The following APBB2 variants were observed in gnomAD, a reference collection of about 807,000 sequenced individuals.
The protein encoded by APBB2 is amyloid beta precursor protein binding family B member 2, also known as Fe65-like 1.
Under a neutral mutation model 82.5 loss-of-function variants are expected in APBB2, and 38 were observed. The ratio of observed to expected loss-of-function variants is 0.46; its 90% CI spans 0.36 to 0.60. The LOEUF is 0.60. APBB2 is among the 20% of genes least tolerant of loss of function. The pLI is 0.00. For missense variants in APBB2, 772 were observed against 972.3 expected, an observed-to-expected ratio of 0.79 and a Z score of 2.74; for synonymous variants, 341 against 368.2, an observed-to-expected ratio of 0.93 and a Z score of 0.85.
At chr4:40,977,416 G>A (rs556522543) in intron 6 of APBB2, among the ~76,000 whole-genome samples, 2 of 151,412 alleles carry the variant, frequency 1.3e-5, no homozygotes, top group Non-Finnish European at 2.9e-5. Flanking sequence ...AGGTTCAAGC[G>A]ATTCTCATGC....
At chr4:41,107,588 T>C (rs527690415) in intron 2 of APBB2, among the ~76,000 whole-genome samples, 6 of 152,226 alleles carry the variant, frequency 3.9e-5, no homozygotes, top group African/African-American at 1.2e-4. Context: ...ACCCCACAGA[T>C]TACCTAAGAG....
intron 10 of APBB2, among the ~76,000 whole-genome samples, chr4:40,911,228 C>T (rs1365308184): frequency 3.9e-5 from 6 of 152,124 alleles, no homozygotes; most frequent in Admixed American, 6.5e-5. Context: ...TTCTCGAATC[C>T]GTGGGCTCCT....
At chr4:41,207,736 C>G (rs1778320662) in intron 1 of APBB2, 2 of 152,244 alleles carry the variant, frequency 1.3e-5, no homozygotes, top group African/African-American at 2.4e-5. Flanking sequence ...GGGGCCCCAT[C>G]AGCTGACCCA....
chr4:41,126,620 C>T (rs988210404), intron 2 of APBB2, among the ~76,000 whole-genome samples: 12 of 152,152 alleles, frequency 7.9e-5, no homozygotes, highest in Admixed American at 6.5e-4. Flanking sequence ...CAAAGTACCA[C>T]GACTGGGTGG....
intron 6 of APBB2, among the ~76,000 whole-genome samples, chr4:40,954,373 C>A (rs1791016204): frequency 2.0e-5 from 3 of 152,144 alleles, no homozygotes; most frequent in South Asian, 4.1e-4. Flanking sequence ...GTGTGAAAGG[C>A]ACGGGGTGGA....
chr4:40,836,921 C>A (rs542478527), intron 12 of APBB2, among the ~76,000 whole-genome samples: 1 of 152,308 alleles, frequency 6.6e-6, no homozygotes, highest in East Asian at 1.9e-4. Context: ...CTCTATATCC[C>A]ATCAGCTGGC....
intron 6 of APBB2, among the ~76,000 whole-genome samples, chr4:40,956,351 C>T (rs6832948): frequency 0.084 from 12,856 of 152,160 alleles, 592 homozygotes; most frequent in Middle Eastern, 0.14. Flanking sequence ...TGTCTTCAAC[C>T]AAAGGAATCG....
chr4:41,055,833 T>TA (rs1727635751), intron 4 of APBB2, among the ~76,000 whole-genome samples: 1 of 152,234 alleles, frequency 6.6e-6, no homozygotes, highest in African/African-American at 2.4e-5. Context: ...TAGTGAAGAA[T>TA]AAAAGTATAC....
intron 15 of APBB2, chr4:40,825,674 T>C (rs1749667749): frequency 5.6e-6 from 3 of 539,636 alleles, no homozygotes; most frequent in Admixed American, 6.2e-5. Flanking sequence ...AAGTCCTGCA[T>C]GCTGGGGATG....
chr4:41,166,450 T>C (rs996822209), intron 1 of APBB2, among the ~76,000 whole-genome samples: 1 of 151,802 alleles, frequency 6.6e-6, no homozygotes, highest in Non-Finnish European at 1.5e-5. Flanking sequence ...TAGTGGCATG[T>C]ACCTGTAGTC....
intron 12 of APBB2, among the ~76,000 whole-genome samples, chr4:40,841,726 T>C (rs1283138186): frequency 2.0e-5 from 3 of 152,192 alleles, no homozygotes; most frequent in African/African-American, 7.2e-5. Flanking sequence ...TCACCCTGGC[T>C]GGAATGCAGT....
chr4:41,082,341 C>T (rs1385866823), intron 3 of APBB2, among the ~76,000 whole-genome samples: 4 of 152,132 alleles, frequency 2.6e-5, no homozygotes, highest in African/African-American at 9.7e-5. Context: ...CACTATGCAA[C>T]AAAATATCAA....
chr4:41,174,879 TGAA>T (rs1484920294), intron 1 of APBB2, among the ~76,000 whole-genome samples: 1 of 152,236 alleles, frequency 6.6e-6, no homozygotes, highest in African/African-American at 2.4e-5. Context: ...AACTGGCTAC[TGAA>T]GAAGGACTGA....
chr4:40,988,637 C>CAA (rs1310590730), intron 6 of APBB2, among the ~76,000 whole-genome samples: 938 of 30,536 alleles, frequency 0.031, 51 homozygotes, highest in Non-Finnish European at 0.04. Context: ...GACTCCGTCT[C>CAA]AAAAAAAAAA....
intron 10 of APBB2, among the ~76,000 whole-genome samples, chr4:40,910,667 A>G (rs112023065): frequency 1.5e-4 from 23 of 152,296 alleles, no homozygotes; most frequent in African/African-American, 4.8e-4. Flanking sequence ...CACCACCCAA[A>G]AGTGGCCCCG....
rs199698660 is a variant in APBB2, at chr4:41,155,945, CTTTG to C, written c.-416-12807_-416-12804del. On this transcript the variant is annotated intron_variant, in intron 1 of 17. Coordinates refer to ENST00000508593, the MANE Select transcript of APBB2 (RefSeq NM_004307.2). ...AATTTGGTCGTATCTTATTTTTCCC[CTTTG>C]TTTGTTTCCTCGGGGCATCTATAAT... is the stretch of plus-strand genomic sequence containing the variant. Among the ~76,000 whole-genome samples the C allele has an allele frequency of 6.6e-3, 1,004 of 152,222 alleles. 13 individuals are homozygous for C. Among genetic ancestry groups the C allele is most frequent in the South Asian group, 0.028 (135 of 4,824 alleles).
At chr4:40,902,484 G>GC (rs1387151750) in intron 10 of APBB2, among the ~76,000 whole-genome samples, 7 of 152,160 alleles carry the variant, frequency 4.6e-5, no homozygotes, top group Admixed American at 4.6e-4. Flanking sequence ...CTGACAGGCA[G>GC]GACTGAATGA....
intron 6 of APBB2, among the ~76,000 whole-genome samples, chr4:40,946,164 G>A (rs149170253): frequency 9.3e-5 from 14 of 150,638 alleles, no homozygotes; most frequent in East Asian, 2.0e-4. Context: ...CCCAGGAGGC[G>A]GAGGTTGCAG....
At chr4:40,895,662 C>A (rs1245051536) in intron 10 of APBB2, among the ~76,000 whole-genome samples, 1 of 152,202 alleles carries the variant, frequency 6.6e-6, no homozygotes, top group Non-Finnish European at 1.5e-5. Flanking sequence ...GCCCTGCTCT[C>A]CAGAAAGTGC....
Sources: gnomAD v4.1 joint callset for allele counts (sites outside exome capture counted in the v4.1 genomes callset) on GRCh38, gnomAD v4.1.1 for gene constraint, MANE v1.5 for transcripts, NCBI Gene and HGNC (gene_info 2026-07-23, HGNC 2026-07-21) for gene names.